Variants in DOK5 observed in about 807,000 individuals in gnomAD.
The protein encoded by DOK5 is docking protein 5.
In DOK5, 27 loss-of-function variants were observed where a neutral mutation model predicts 43.3. The observed-to-expected ratio is 0.62, with a 90% CI of 0.46 to 0.86. The LOEUF (loss-of-function observed/expected upper bound fraction) is 0.86, where lower values mean the gene tolerates loss of function less well. Ranked by LOEUF, DOK5 falls within the 40% of genes least tolerant of loss-of-function variation. The pLI is 0.00. For synonymous variants in DOK5, 146 were observed against 140.1 expected (o/e 1.04, Z -0.30); for missense variants, 373 against 392.9 (o/e 0.95, Z 0.43).
intron 1 of DOK5, among the ~76,000 whole-genome samples, chr20:54,528,671 T>C (rs891089351): frequency 6.6e-6 from 1 of 152,204 alleles, no homozygotes; most frequent in Non-Finnish European, 1.5e-5. Flanking sequence ...GTCCCTCAGC[T>C]GGCACATTGC....
intron 6 of DOK5, among the ~76,000 whole-genome samples, chr20:54,626,133 T>C (rs1987122079): frequency 6.6e-6 from 1 of 152,190 alleles, no homozygotes; most frequent in African/African-American, 2.4e-5. Context: ...TTTTTATTCA[T>C]TTTAAGTTTG....
chr20:54,615,280 G>C (rs1159642238), intron 6 of DOK5, among the ~76,000 whole-genome samples: 4 of 152,166 alleles, frequency 2.6e-5, no homozygotes, highest in Admixed American at 2.6e-4. Flanking sequence ...GTTGTGGGAG[G>C]CTGAATAATG....
intron 1 of DOK5, among the ~76,000 whole-genome samples, chr20:54,540,558 C>G (rs2146714795): frequency 6.6e-6 from 1 of 152,182 alleles, no homozygotes; most frequent in Middle Eastern, 3.4e-3. Flanking sequence ...TTCTGTTGCC[C>G]AGGCTGGAGT....
intron 1 of DOK5, among the ~76,000 whole-genome samples, chr20:54,528,537 G>A (rs917553368): frequency 6.6e-6 from 1 of 151,984 alleles, no homozygotes; most frequent in African/African-American, 2.4e-5. Flanking sequence ...GATGGAAGAA[G>A]AGTAAACTAA....
At chr20:54,528,082 C>T (rs1448099655) in intron 1 of DOK5, among the ~76,000 whole-genome samples, 1 of 152,086 alleles carries the variant, frequency 6.6e-6, no homozygotes, top group Non-Finnish European at 1.5e-5. Context: ...ATGGTAGGCG[C>T]CTGTAATCCC....
chr20:54,547,712 C>T (rs1267772295), intron 1 of DOK5, among the ~76,000 whole-genome samples: 3 of 152,096 alleles, frequency 2.0e-5, no homozygotes, highest in Non-Finnish European at 4.4e-5. Flanking sequence ...ATAATAAAAT[C>T]ACCACCACCA....
intron 6 of DOK5, among the ~76,000 whole-genome samples, chr20:54,636,151 G>A (rs1221937647): frequency 6.6e-6 from 1 of 152,218 alleles, no homozygotes; most frequent in African/African-American, 2.4e-5. Flanking sequence ...ATCTGACATG[G>A]CTGACTCCAT....
At chr20:54,614,024 A>T (rs1249896044) in intron 6 of DOK5, among the ~76,000 whole-genome samples, 1 of 148,984 alleles carries the variant, frequency 6.7e-6, no homozygotes, top group Non-Finnish European at 1.5e-5. Context: ...ATGGTTATAT[A>T]TATTTATTTA....
intron 1 of DOK5, among the ~76,000 whole-genome samples, chr20:54,526,334 G>A (rs534087978): frequency 6.6e-6 from 1 of 152,210 alleles, no homozygotes; most frequent in Non-Finnish European, 1.5e-5. Flanking sequence ...AAGCTGGGAC[G>A]ACGACGGCAT....
intron 6 of DOK5, among the ~76,000 whole-genome samples, chr20:54,613,774 A>G (rs1179705630): frequency 6.6e-6 from 1 of 152,116 alleles, no homozygotes; most frequent in African/African-American, 2.4e-5. Context: ...CAGGAGGATC[A>G]CTTGAGACCA....
intron 6 of DOK5, among the ~76,000 whole-genome samples, chr20:54,620,723 A>G (rs1189632760): frequency 5.3e-5 from 8 of 152,208 alleles, no homozygotes; most frequent in Admixed American, 4.6e-4. Flanking sequence ...TCTGACGTAT[A>G]CTAGCAGAAG....
chr20:54,584,930 C>T (rs967980024), intron 2 of DOK5, among the ~76,000 whole-genome samples: 1 of 151,920 alleles, frequency 6.6e-6, no homozygotes, highest in Non-Finnish European at 1.5e-5. Flanking sequence ...TTATGTCTTG[C>T]CTTGGTTTTC....
chr20:54,554,497 G>A (rs1028984267), intron 1 of DOK5, among the ~76,000 whole-genome samples: 32 of 152,306 alleles, frequency 2.1e-4, no homozygotes, highest in Admixed American at 2.0e-3. Context: ...CATCCATTAT[G>A]AGGAATATCA....
At position 54,476,005 on chromosome 20, in the gene DOK5, G is replaced by A. The variant is rs1218508221; in HGVS notation, c.59G>A (p.Arg20His). 8 of 1,613,246 alleles carry A rather than the reference G, an allele frequency of 5.0e-6. No homozygotes were observed. Among genetic ancestry groups the A allele is most frequent in the Middle Eastern group, 1.6e-4 (1 of 6,076 alleles). Residue 20 changes from arginine to histidine, a missense_variant, in exon 1 of 8, where the codon CGC (arginine) becomes CAC (histidine). Arg to His is a conservative substitution (Grantham distance 29). Coordinates refer to ENST00000262593, the MANE Select transcript of DOK5 (RefSeq NM_018431.5). ...GGGTACGTGAGGATCCGGAGCAGAC[G>A]CCTCGGGGTGAGTATCGATCCTCTC... The part of the protein sequence containing the change: ...KQGYVRIRSR[R>H]LGIYQRCWLV...
intron 1 of DOK5, among the ~76,000 whole-genome samples, chr20:54,511,393 A>C (rs6098040): frequency 0.035 from 5,346 of 152,300 alleles, 305 homozygotes; most frequent in African/African-American, 0.12. Context: ...CATGCTCATA[A>C]AACAGATATT....
chr20:54,559,510 C>T (rs757307643), intron 2 of DOK5, among the ~76,000 whole-genome samples: 28 of 152,126 alleles, frequency 1.8e-4, no homozygotes, highest in South Asian at 2.1e-4. Context: ...AAAATGTGAA[C>T]GAAAGAGTGT....
chr20:54,549,701 G>C (rs1984460962), intron 1 of DOK5, among the ~76,000 whole-genome samples: 1 of 152,100 alleles, frequency 6.6e-6, no homozygotes, highest in African/African-American at 2.4e-5. Context: ...TAGAAATGCT[G>C]TCATTGAAGT....
At chr20:54,629,886 G>C (rs141540878) in intron 6 of DOK5, among the ~76,000 whole-genome samples, 68 of 152,338 alleles carry the variant, frequency 4.5e-4, no homozygotes, top group African/African-American at 1.6e-3. Context: ...TGTGCTTTGC[G>C]TGTGCATGTG....
At chr20:54,602,706 T>C (rs535944813) in intron 5 of DOK5, among the ~76,000 whole-genome samples, 2 of 152,182 alleles carry the variant, frequency 1.3e-5, no homozygotes, top group South Asian at 2.1e-4. Context: ...ATGGAATCTC[T>C]CTCTGTTGCC....
Sources: allele counts gnomAD v4.1 joint callset (sites outside exome capture counted in the v4.1 genomes callset), GRCh38; gene constraint gnomAD v4.1.1; transcripts MANE v1.5; gene names NCBI Gene and HGNC (gene_info 2026-07-23, HGNC 2026-07-21).